Variants in KNTC1 observed in about 807,000 individuals in gnomAD.
KNTC1 encodes the protein kinetochore associated 1.
In KNTC1, 253 loss-of-function variants were observed where a neutral mutation model predicts 314.4. The observed-to-expected ratio is 0.80, with a 90% CI of 0.73 to 0.89. The LOEUF is 0.89. KNTC1 is among the 40% of genes least tolerant of loss of function. KNTC1 has a pLI of 0.00. For missense variants in KNTC1, 2,475 were observed against 2,572.9 expected (o/e 0.96, Z 0.82); for synonymous variants, 901 against 901.4 (o/e 1.00, Z 0.01).
chr12:122,564,886 A>G (rs970767073), intron 20 of KNTC1, among the ~76,000 whole-genome samples: 1 of 152,188 alleles, frequency 6.6e-6, no homozygotes, highest in African/African-American at 2.4e-5. Context: ...GATTTAAAGT[A>G]AGTATACCTC....
chr12:122,613,200 C>T lies in KNTC1; in HGVS notation c.5711C>T (p.Ser1904Phe). ...TTGGCTGACAAGGAAACTATAGAAT[C>T]TCTCTTTAAAAAACCCATTGAAGAA... ...FYLADKETIE[S>F]LFKKPIEEVK... is the part of the protein sequence containing the mutation. The change falls in exon 54 of 64, where the codon TCT becomes TTT. Residue 1904 changes from serine (S) to phenylalanine (F), a missense_variant. Coordinates refer to ENST00000333479, the MANE Select transcript of KNTC1 (RefSeq NM_014708.6). The T allele has an allele frequency of 1.9e-6, 3 of 1,609,540 alleles. No homozygotes were observed. Among genetic ancestry groups the T allele is most frequent in the Middle Eastern group, 1.7e-4 (1 of 6,050 alleles).
In KNTC1 at chr12:122,612,981, C is replaced by T. The variant is rs10744294; in HGVS notation, c.5623-131C>T. ...TTAAGAACCACTGTTACACACAGTG[C>T]GTTCCGTAACTGTAGAGATTGACTT... On this transcript the variant is annotated intron_variant, in intron 53 of 63. Transcript: ENST00000333479. 1.0e-3 allele frequency: 652 copies of T among 639,904 alleles called. 4 individuals are homozygous for T. In the African/African-American group the frequency reaches 0.01, roughly 10 times the overall value. 39.6% of individuals were successfully genotyped at this position (639,904 alleles called of 1,614,324 possible).
At chr12:122,593,844 G>C (rs1298817529) in intron 42 of KNTC1, 1 of 155,626 alleles carries the variant, frequency 6.4e-6, no homozygotes, top group Non-Finnish European at 1.4e-5. Context: ...GACCTCAAGT[G>C]ATCCACCCGC....
Position 122,604,955 on chromosome 12 carries a change from C to T in KNTC1, c.5254C>T (p.Leu1752Phe). 6.2e-7 allele frequency: 1 copy of T among 1,612,026 alleles called. No individual in the cohort carries two copies. Among genetic ancestry groups the T allele is most frequent in the Non-Finnish European group, 8.5e-7 (1 of 1,179,036 alleles). The change falls in exon 50 of 64, where the codon CTC becomes TTC. Residue 1752 changes from leucine to phenylalanine, a missense_variant. Transcript: ENST00000333479. ...CCGGCGATCGGGCACAGAAGCTGTG[C>T]TCATAGCCCACAAGCTGAACACTGA... ...QYRRSGTEAV[L>F]IAHKLNTEEY...
Position 122,557,617 on chromosome 12 carries a change from G to C in KNTC1, c.1416G>C (p.Val472=). The change falls in exon 18 of 64, where the codon GTG becomes GTC. Residue 472 remains valine (V), a synonymous_variant. Transcript: ENST00000333479. ...LHKIQDDEFV[V]NYCLKAQWIT... ...TGAAACAGGATGATGAATTTGTGGTGAATTACTGCCTGAAAGCTCAGTGGA... is the reference window on the plus strand; with the variant it reads ...TGAAACAGGATGATGAATTTGTGGTCAATTACTGCCTGAAAGCTCAGTGGA... 5 of 1,613,242 alleles carry C rather than the reference G, an allele frequency of 3.1e-6. No individual in the cohort carries two copies. Among genetic ancestry groups the C allele is most frequent in the Non-Finnish European group, 4.2e-6 (5 of 1,179,566 alleles).
chr12:122,571,186 C>G lies in KNTC1; in HGVS notation c.2019+60C>G, dbSNP rs1964658567. ...AGTCAGTTTACCTGAAAGGGTTTGT[C>G]TGCATGTATGTGAAGTATCTGGAAA... On this transcript the variant is annotated intron_variant, in intron 24 of 63. Coordinates refer to ENST00000333479, the MANE Select transcript of KNTC1 (RefSeq NM_014708.6). The G allele has an allele frequency of 4.7e-6, 6 of 1,270,872 alleles. No individual in the cohort carries two copies. In the Admixed American group the frequency reaches 1.1e-4, roughly 23 times the overall value. 78.7% of individuals were successfully genotyped at this position (1,270,872 alleles called of 1,614,324 possible).
chr12:122,585,236 C>T (rs142471249), intron 36 of KNTC1, among the ~76,000 whole-genome samples: 59 of 152,080 alleles, frequency 3.9e-4, no homozygotes, highest in African/African-American at 1.4e-3. Flanking sequence ...GAGACAGGGT[C>T]TCACCATCTT....
chr12:122,542,637 C>T (rs1359480003), intron 6 of KNTC1, among the ~76,000 whole-genome samples: 1 of 152,020 alleles, frequency 6.6e-6, no homozygotes, highest in East Asian at 1.9e-4. Context: ...GGGTGGCAGG[C>T]GCCTGTAATC....
chr12:122,546,066 T>G, intron 8 of KNTC1, 110 bp from the exon 9 acceptor site: 1 of 685,660 alleles, frequency 1.5e-6, no homozygotes, highest in South Asian at 1.7e-5. Context: ...TTAGAATATG[T>G]AAATATATTT....
At chr12:122,537,398 A>G (rs1203994334) in intron 3 of KNTC1, among the ~76,000 whole-genome samples, 3 of 150,792 alleles carry the variant, frequency 2.0e-5, no homozygotes, top group Admixed American at 1.3e-4. Flanking sequence ...CAGTTTGTTT[A>G]TTATGCTAAT....
chr12:122,532,561 C>A (rs1961448157), intron 2 of KNTC1, among the ~76,000 whole-genome samples: 1 of 152,070 alleles, frequency 6.6e-6, no homozygotes, highest in African/African-American at 2.4e-5. Flanking sequence ...TCAGGCCTTT[C>A]TTGACCTCAA....
chr12:122,606,675 A>C (rs1872621608), intron 51 of KNTC1, among the ~76,000 whole-genome samples: 1 of 152,186 alleles, frequency 6.6e-6, no homozygotes, highest in African/African-American at 2.4e-5. Flanking sequence ...ATGTACACAA[A>C]AATGCAAAAA....
intron 4 of KNTC1, among the ~76,000 whole-genome samples, chr12:122,539,347 T>C (rs542529884): frequency 5.3e-5 from 8 of 152,222 alleles, no homozygotes; most frequent in South Asian, 2.1e-4. Flanking sequence ...TAAAAAAATG[T>C]TTTTTTGAAA....
chr12:122,585,551 A>G, intron 36 of KNTC1, 85 bp from the exon 37 acceptor site: 4 of 1,431,198 alleles, frequency 2.8e-6, no homozygotes, highest in Non-Finnish European at 3.8e-6. Flanking sequence ...ACTTAAAATG[A>G]AATTTCTATA....
At chr12:122,572,730 T>C (rs181408946) in intron 24 of KNTC1, among the ~76,000 whole-genome samples, 1 of 152,242 alleles carries the variant, frequency 6.6e-6, no homozygotes, top group Admixed American at 6.5e-5. Context: ...TTCTATTTTT[T>C]TAAGAGAAAA....
intron 18 of KNTC1, among the ~76,000 whole-genome samples, chr12:122,558,712 C>T (rs917964033): frequency 6.6e-6 from 1 of 151,268 alleles, no homozygotes; most frequent in Admixed American, 6.6e-5. Context: ...CCCATCTCTA[C>T]TAAAAATATA....
chr12:122,582,916 A>T lies in KNTC1; in HGVS notation c.3194A>T (p.Glu1065Val). Residue 1065 changes from glutamate (E) to valine (V), a missense_variant, in exon 34 of 64, where the codon GAG becomes GTG. Glu to Val is a moderately radical substitution (Grantham distance 121, BLOSUM62 -2). Coordinates refer to ENST00000333479, the MANE Select transcript of KNTC1 (RefSeq NM_014708.6). ...QALALQMSKQ[E>V]LEAELTLRAL... ...CTGGCCCTGCAGATGTCCAAACAAG[A>T]GCTGGAGGCAGAGCTGACCTTGAGA... 1 of 1,613,638 alleles carries T rather than the reference A, an allele frequency of 6.2e-7. No homozygotes were observed. The highest frequency in any genetic ancestry group is 8.5e-7 in the Non-Finnish European group (1 of 1,179,762).
chr12:122,550,443 AT>A (rs150448473), intron 13 of KNTC1, among the ~76,000 whole-genome samples: 11,505 of 151,376 alleles, frequency 0.076, 568 homozygotes, highest in Middle Eastern at 0.13. Context: ...CTTTAAAGCT[AT>A]TTTTTTTTCT....
At position 122,613,015 on chromosome 12, in the gene KNTC1, A is replaced by G. The variant is rs142884437; in HGVS notation, c.5623-97A>G. 1.9e-4 allele frequency: 136 copies of G among 718,594 alleles called. No individual in the cohort carries two copies. In the African/African-American group the frequency reaches 2.0e-3, roughly 11 times the overall value. The allele number at this position is 718,594 out of a possible 1,614,324, so 44.5% of individuals were successfully genotyped here. A position where few individuals can be genotyped will look rare whatever the true frequency, so the allele number is the denominator to read the frequency against. On this transcript the variant is annotated intron_variant, in intron 53 of 63. Transcript: ENST00000333479. ...ACTGTAGAGATTGACTTTACATTTT[A>G]AAATAATGACGTTGTTTATGTTGCC...
Sources: allele counts gnomAD v4.1 joint callset (sites outside exome capture counted in the v4.1 genomes callset), GRCh38; gene constraint gnomAD v4.1.1; transcripts MANE v1.5; gene names NCBI Gene and HGNC (gene_info 2026-07-23, HGNC 2026-07-21).